The following PDE7B variants were observed in gnomAD, a reference collection of about 807,000 sequenced individuals.
PDE7B encodes the protein 3',5'-cyclic-AMP phosphodiesterase 7B.
In PDE7B, 29 loss-of-function variants were observed where a neutral mutation model predicts 56.2. That is an observed-to-expected ratio of 0.52 (90% confidence interval 0.38 to 0.70). The LOEUF (loss-of-function observed/expected upper bound fraction) is 0.70, where lower values mean the gene tolerates loss of function less well. Ranked by LOEUF, PDE7B falls within the 30% of genes least tolerant of loss-of-function variation. The pLI, the probability that PDE7B is intolerant of heterozygous loss-of-function variation, is 0.00. For missense variants in PDE7B, 490 were observed against 565.0 expected, an observed-to-expected ratio of 0.87 and a Z score of 1.35; for synonymous variants, 197 against 196.9, an observed-to-expected ratio of 1.00 and a Z score of 0.00.
chr6:135,899,621 G>C (rs1775964674), intron 1 of PDE7B, among the ~76,000 whole-genome samples: 1 of 151,706 alleles, frequency 6.6e-6, no homozygotes, highest in African/African-American at 2.4e-5. Context: ...GTTTTCCATT[G>C]AGATAGTTAT....
chr6:135,872,284 A>G (rs9389338), intron 1 of PDE7B, among the ~76,000 whole-genome samples: 5,785 of 152,300 alleles, frequency 0.038, 180 homozygotes, highest in East Asian at 0.12. Flanking sequence ...CATTCAGTGT[A>G]CTAAGCAGGG....
At chr6:135,911,967 C>T (rs1328595322) in intron 1 of PDE7B, among the ~76,000 whole-genome samples, 1 of 152,062 alleles carries the variant, frequency 6.6e-6, no homozygotes, top group Non-Finnish European at 1.5e-5. Context: ...ACTGTGAGCC[C>T]AAAGTACACA....
chr6:136,146,445 G>C (rs1272669124), intron 3 of PDE7B, among the ~76,000 whole-genome samples: 1 of 152,174 alleles, frequency 6.6e-6, no homozygotes, highest in Non-Finnish European at 1.5e-5. Flanking sequence ...CTACTGGCAA[G>C]ATTAGATTTT....
intron 2 of PDE7B, among the ~76,000 whole-genome samples, chr6:136,080,081 A>C (rs1437993234): frequency 6.6e-6 from 1 of 152,172 alleles, no homozygotes; most frequent in Non-Finnish European, 1.5e-5. Flanking sequence ...TAAATGAAGA[A>C]AAAAACCTCC....
intron 1 of PDE7B, among the ~76,000 whole-genome samples, chr6:135,942,785 A>G (rs554713687): frequency 3.3e-5 from 5 of 152,098 alleles, no homozygotes; most frequent in South Asian, 2.1e-4. Context: ...ATTTAACATA[A>G]TGTCCTCCAG....
At chr6:136,103,470 G>A (rs532767148) in intron 2 of PDE7B, among the ~76,000 whole-genome samples, 1 of 152,296 alleles carries the variant, frequency 6.6e-6, no homozygotes, top group Non-Finnish European at 1.5e-5. Flanking sequence ...AATAAACAAA[G>A]CTTCTAGCTG....
intron 1 of PDE7B, among the ~76,000 whole-genome samples, chr6:135,864,831 G>A (rs1775222022): frequency 6.6e-6 from 1 of 151,842 alleles, no homozygotes; most frequent in East Asian, 1.9e-4. Flanking sequence ...TAGGGTACAT[G>A]TGCACAATGT....
chr6:136,071,615 T>C (rs1181590996), intron 2 of PDE7B, among the ~76,000 whole-genome samples: 1 of 152,202 alleles, frequency 6.6e-6, no homozygotes, highest in Non-Finnish European at 1.5e-5. Context: ...GTTTTCTTAC[T>C]GGAAAAATTA....
rs1458624680 is a variant in PDE7B at position 136,014,901 on chromosome 6, T to C, written c.82+67377T>C. ...GATATCAGTGGAACGTCTGGCCGAT[T>C]GCATGTGAGGAGCTGCTGCCAGAAC... On this transcript the variant is annotated intron_variant, in intron 2 of 12. Coordinates refer to ENST00000308191, the MANE Select transcript of PDE7B (RefSeq NM_018945.4). Among the ~76,000 whole-genome samples the C allele has an allele frequency of 2.0e-5, 3 of 152,224 alleles. No individual in the cohort carries two copies. The East Asian group carries it at 5.8e-4, about 29-fold the overall frequency.
chr6:136,086,584 CA>C (rs1470326121), intron 2 of PDE7B, among the ~76,000 whole-genome samples: 21 of 152,194 alleles, frequency 1.4e-4, no homozygotes, highest in Admixed American at 1.4e-3. Context: ...ACAAACATCC[CA>C]ATAGTGGTAT....
chr6:135,921,960 C>T lies in PDE7B; in HGVS notation c.22-25504C>T, dbSNP rs547802916. 6.6e-5 allele frequency among the ~76,000 whole-genome samples: 10 copies of T among 152,234 alleles called. No individual in the cohort carries two copies. The South Asian group carries it at 1.5e-3, about 22-fold the overall frequency. ...TAGACTGAGAACAAGCAGTTTAGAA[C>T]TCTCTCCCTCATTCAATTCAATGTA... is the stretch of plus-strand genomic sequence containing the variant. On this transcript the variant is annotated intron_variant, in intron 1 of 12. Coordinates refer to ENST00000308191, the MANE Select transcript of PDE7B (RefSeq NM_018945.4).
Position 136,149,191 on chromosome 6 carries a change from A to C in PDE7B, c.382+41A>C, listed in dbSNP as rs200577617. 10 of 1,287,138 alleles carry C rather than the reference A, an allele frequency of 7.8e-6. No homozygotes were observed. In the Admixed American group the frequency reaches 1.7e-4, roughly 22 times the overall value. The allele number at this position is 1,287,138 out of a possible 1,614,324, so 79.7% of individuals were successfully genotyped here. A position where few individuals can be genotyped will look rare whatever the true frequency, so the allele number is the denominator to read the frequency against. On this transcript the variant is annotated intron_variant, in intron 5 of 12. Transcript: ENST00000308191. ...GAATTCTCACTAAAATATACACCATAAAGTGGGATTAATTTCATGAAAAAC... is the reference window on the plus strand; with the variant it reads ...GAATTCTCACTAAAATATACACCATCAAGTGGGATTAATTTCATGAAAAAC...
chr6:135,922,274 C>G (rs1774098093), intron 1 of PDE7B, among the ~76,000 whole-genome samples: 1 of 152,092 alleles, frequency 6.6e-6, no homozygotes, highest in African/African-American at 2.4e-5. Flanking sequence ...ACCCATGTAT[C>G]AAATGGCATG....
intron 2 of PDE7B, among the ~76,000 whole-genome samples, chr6:136,054,294 C>A (rs1259191584): frequency 2.6e-5 from 4 of 152,094 alleles, no homozygotes; most frequent in Admixed American, 2.6e-4. Context: ...TTTCCCAGCA[C>A]CATTTATTAA....
intron 1 of PDE7B, among the ~76,000 whole-genome samples, chr6:135,890,551 T>TAC (rs374447926): frequency 0.064 from 9,798 of 152,158 alleles, 678 homozygotes; most frequent in African/African-American, 0.17. Context: ...ACGCAGTGGG[T>TAC]ATGACTGGCA....
At chr6:136,160,415 G>A (rs1297297280) in intron 8 of PDE7B, among the ~76,000 whole-genome samples, 1 of 152,106 alleles carries the variant, frequency 6.6e-6, no homozygotes, top group East Asian at 1.9e-4. Context: ...TGAAAGATGA[G>A]TCTGTAGGAG....
At chr6:136,183,595 CAAA>C (rs59123124) in intron 11 of PDE7B, among the ~76,000 whole-genome samples, 9 of 66,212 alleles carry the variant, frequency 1.4e-4, no homozygotes, top group African/African-American at 2.0e-4. Context: ...GACTCTGTCT[CAAA>C]AAAAAAAAAA....
chr6:135,885,328 G>GTTTTTTTTTTTTTTTTT (rs11325233), intron 1 of PDE7B, among the ~76,000 whole-genome samples: 1 of 143,440 alleles, frequency 7.0e-6, no homozygotes, highest in Non-Finnish European at 1.5e-5. Context: ...CTTGTTTGTT[G>GTTTTTTTTTTTTTTTTT]TTTTTTTTTT....
At chr6:135,934,739 A>T (rs71576383) in intron 1 of PDE7B, among the ~76,000 whole-genome samples, 35,708 of 105,426 alleles carry the variant, frequency 0.34, 5,747 homozygotes, top group South Asian at 0.47. Flanking sequence ...CAAAAAAAAA[A>T]ATATATATAT....
Sources: gnomAD v4.1 joint callset for allele counts (sites outside exome capture counted in the v4.1 genomes callset) on GRCh38, gnomAD v4.1.1 for gene constraint, MANE v1.5 for transcripts, NCBI Gene and HGNC (gene_info 2026-07-23, HGNC 2026-07-21) for gene names.